The following PCDHGA11 variants were observed in gnomAD, a reference collection of about 807,000 sequenced individuals.
The protein encoded by PCDHGA11 is protocadherin gamma-A11.
A neutral mutation model predicts 60.4 loss-of-function variants in PCDHGA11; 39 were observed. The ratio of observed to expected loss-of-function variants is 0.65; its 90% confidence interval spans 0.50 to 0.84. The LOEUF (loss-of-function observed/expected upper bound fraction) is 0.84. PCDHGA11 is among the 40% of genes least tolerant of loss of function. PCDHGA11 has a pLI of 0.00. For synonymous variants in PCDHGA11, 533 were observed against 510.3 expected (o/e 1.04, Z -0.60); for missense variants, 1,165 against 1,197.7 (o/e 0.97, Z 0.40).
intron 1 of PCDHGA11, chr5:141,424,513 T>C (rs1339689551): frequency 6.6e-6 from 1 of 152,224 alleles, no homozygotes; most frequent in Non-Finnish European, 1.5e-5. Context: ...GGTTTTTTAA[T>C]GTAGTAAATC....
At chr5:141,425,047 A>G (rs1590618154) in intron 1 of PCDHGA11, among the ~76,000 whole-genome samples, 1 of 152,198 alleles carries the variant, frequency 6.6e-6, no homozygotes, top group Non-Finnish European at 1.5e-5. Context: ...TAAACTGACT[A>G]TCTAGGGCTC....
chr5:141,487,751 G>A lies in PCDHGA11; in HGVS notation c.2434-7056G>A. ...CACCATTTTTGTAAGAGGTAACTAT[G>A]TGGTAGACGCTGTGCTTTGTAACTG... On this transcript the variant is annotated intron_variant, in intron 1 of 3. Coordinates refer to ENST00000398587, the MANE Select transcript of PCDHGA11 (RefSeq NM_018914.3). This position sits in a 1 kb window ranked among gnomAD's most constrained non-coding sequence, Gnocchi z 5.0. 1 of 1,555,004 alleles carries A rather than the reference G, an allele frequency of 6.4e-7. No homozygotes were observed.
rs1246027327 is a variant in PCDHGA11, at chr5:141,491,976, C to A, written c.2434-2831C>A. On this transcript the variant is annotated intron_variant, in intron 1 of 3. Transcript: ENST00000398587. This position sits in a 1 kb window ranked among gnomAD's most constrained non-coding sequence, Gnocchi z 6.9. ...ACTCAAAAAAGGCCGGGGCCTCCTT[C>A]GAGCTTCCGGTGAATTTCGGGCGAT... 3 of 800,708 alleles carry A rather than the reference C, an allele frequency of 3.7e-6. No individual in the cohort carries two copies. The Admixed American group carries it at 1.1e-4, about 30-fold the overall frequency. 49.6% of individuals were successfully genotyped at this position (800,708 alleles called of 1,614,324 possible).
intron 1 of PCDHGA11, among the ~76,000 whole-genome samples, chr5:141,483,084 C>CA (rs898059463): frequency 8.0e-5 from 12 of 150,326 alleles, no homozygotes; most frequent in Admixed American, 2.0e-4. Context: ...GACTCCATCT[C>CA]AAAAAAAAAG....
chr5:141,495,817 T>G (rs2099764054), intron 2 of PCDHGA11, among the ~76,000 whole-genome samples: 1 of 152,110 alleles, frequency 6.6e-6, no homozygotes, highest in African/African-American at 2.4e-5. Context: ...TAGCGCCTTG[T>G]GTTCTTCTAT....
chr5:141,424,232 C>A (rs182055138), intron 1 of PCDHGA11: 1 of 158,642 alleles, frequency 6.3e-6, no homozygotes, highest in East Asian at 1.9e-4. Context: ...TATTTTGATT[C>A]TTGGTGGCTG....
chr5:141,477,171 TCA>T lies in PCDHGA11; in HGVS notation c.2434-17633_2434-17632del, dbSNP rs772104411. On this transcript the variant is annotated intron_variant, in intron 1 of 3. Transcript: ENST00000398587. This position sits in a 1 kb window ranked among gnomAD's most constrained non-coding sequence, Gnocchi z 4.9. ...GATGTGAATGACAACGCCCCGGAGA[TCA>T]CAGTCACCTCCGTGTACAGCCCAGT... 6.2e-7 allele frequency: 1 copy of T among 1,614,072 alleles called. No individual in the cohort carries two copies. Among genetic ancestry groups the T allele is most frequent in the Non-Finnish European group, 8.5e-7 (1 of 1,179,988 alleles).
chr5:141,503,556 G>A (rs1021346255), intron 2 of PCDHGA11, among the ~76,000 whole-genome samples: 1 of 145,962 alleles, frequency 6.9e-6, no homozygotes, highest in East Asian at 2.0e-4. Context: ...CCGAGATCGC[G>A]CCACTGTACT....
intron 1 of PCDHGA11, among the ~76,000 whole-genome samples, chr5:141,445,544 T>C (rs1223868698): frequency 6.6e-6 from 1 of 152,126 alleles, no homozygotes; most frequent in Non-Finnish European, 1.5e-5. Context: ...CAAGGAGAAA[T>C]ACAAAAGCAC....
At chr5:141,472,980 C>CAAAAAAAAAAAAAAAAAAAAAAAA (rs60579131) in intron 1 of PCDHGA11, among the ~76,000 whole-genome samples, 7 of 86,078 alleles carry the variant, frequency 8.1e-5, no homozygotes, top group African/African-American at 1.9e-4. Context: ...GAGTGAAACT[C>CAAAAAAAAAAAAAAAAAAAAAAAA]AAAAAAAAAA....
At chr5:141,482,235 T>C (rs2099554999) in intron 1 of PCDHGA11, among the ~76,000 whole-genome samples, 1 of 152,174 alleles carries the variant, frequency 6.6e-6, no homozygotes, top group Non-Finnish European at 1.5e-5. Context: ...AAATTGCCAA[T>C]ATAAGTATAG....
rs775654786 is a variant in PCDHGA11 at position 141,491,718 on chromosome 5, G to A, written c.2434-3089G>A. Reference sequence around the variant, plus strand: ...GGAGCCAGGTGAGGGGCTCGGCGCCGCCCCGGGCGACCCCTGGGGGCGGCA... The same window carrying A: ...GGAGCCAGGTGAGGGGCTCGGCGCCACCCCGGGCGACCCCTGGGGGCGGCA... On this transcript the variant is annotated intron_variant, in intron 1 of 3. Coordinates refer to ENST00000398587, the MANE Select transcript of PCDHGA11 (RefSeq NM_018914.3). This position sits in a 1 kb window ranked among gnomAD's most constrained non-coding sequence, Gnocchi z 6.9. 1 of 1,607,600 alleles carries A rather than the reference G, an allele frequency of 6.2e-7. No homozygotes were observed. The highest frequency in any genetic ancestry group is 2.2e-5 in the East Asian group (1 of 44,690).
At chr5:141,443,475 G>T (rs994058112) in intron 1 of PCDHGA11, among the ~76,000 whole-genome samples, 1 of 152,148 alleles carries the variant, frequency 6.6e-6, no homozygotes, top group African/African-American at 2.4e-5. Flanking sequence ...GACAGAATTA[G>T]ACCCTGTCCC....
rs6883529 is a variant in PCDHGA11, at chr5:141,427,618, A to G, written c.2433+3958A>G. On this transcript the variant is annotated intron_variant, in intron 1 of 3. Coordinates refer to ENST00000398587, the MANE Select transcript of PCDHGA11 (RefSeq NM_018914.3). ...ACCCTACGCATTGGTGAAGTCAACG[A>G]CAATGCTCCGGTTTTCCACCAAGTC... The G allele has an allele frequency of 3.3e-3, 2,299 of 695,914 alleles. 37 individuals are homozygous for G. In the African/African-American group the frequency reaches 0.033, roughly 10 times the overall value. 43.1% of individuals were successfully genotyped at this position (695,914 alleles called of 1,614,324 possible).
At position 141,460,518 on chromosome 5, in the gene PCDHGA11, C is replaced by T. The variant is rs190277142; in HGVS notation, c.2434-34289C>T. ...AAATATGCTGAGAAGGCTATCTTTT[C>T]CCCACCAAATAATCTTAGCACCTTA... On this transcript the variant is annotated intron_variant, in intron 1 of 3. Coordinates refer to ENST00000398587, the MANE Select transcript of PCDHGA11 (RefSeq NM_018914.3). Among the ~76,000 whole-genome samples, 53 of 152,196 alleles carry T rather than the reference C, an allele frequency of 3.5e-4. 1 individual carries two copies. Among genetic ancestry groups the T allele is most frequent in the African/African-American group, 1.2e-3 (50 of 41,522 alleles).
At chr5:141,433,123 C>A in intron 1 of PCDHGA11, 1 of 1,614,116 alleles carries the variant, frequency 6.2e-7, no homozygotes, top group Non-Finnish European at 8.5e-7. Context: ...TTGAAAAAAG[C>A]GAGCCCCTTT....
chr5:141,478,139 G>C, intron 1 of PCDHGA11: 15 of 1,614,040 alleles, frequency 9.3e-6, no homozygotes, highest in Non-Finnish European at 1.3e-5. Context: ...TGAAGCCCGA[G>C]CCGAGTTCCC....
chr5:141,456,773 G>A (rs1178932462), intron 1 of PCDHGA11, among the ~76,000 whole-genome samples: 6 of 151,980 alleles, frequency 3.9e-5, no homozygotes, highest in African/African-American at 1.2e-4. Context: ...GACCAGCCTG[G>A]CCTACATGGC....
chr5:141,451,593 C>A (rs2098719809), intron 1 of PCDHGA11, among the ~76,000 whole-genome samples: 1 of 152,042 alleles, frequency 6.6e-6, no homozygotes, highest in African/African-American at 2.4e-5. Context: ...TTGAAAGTGA[C>A]ATACAAGGCT....
Sources: gnomAD v4.1 joint callset for allele counts (sites outside exome capture counted in the v4.1 genomes callset) on GRCh38, gnomAD v4.1.1 for gene constraint, Gnocchi (gnomAD v3.1) non-coding constraint, MANE v1.5 for transcripts, NCBI Gene and HGNC (gene_info 2026-07-23, HGNC 2026-07-21) for gene names.